The following CNTNAP4 variants were observed in gnomAD, a reference collection of about 807,000 sequenced individuals.
CNTNAP4 encodes the protein contactin associated protein family member 4.
Under a neutral mutation model 148.4 loss-of-function variants are expected in CNTNAP4, and 98 were observed. The ratio of observed to expected loss-of-function variants is 0.66; its 90% confidence interval spans 0.56 to 0.78. The LOEUF (loss-of-function observed/expected upper bound fraction) is 0.78. Among genes scored for constraint, CNTNAP4 ranks in the 30% least tolerant of loss-of-function variants. CNTNAP4 has a pLI of 0.00. For synonymous variants in CNTNAP4, 730 were observed against 565.1 expected (o/e 1.29, Z -4.14); for missense variants, 1,935 against 1,565.6 (o/e 1.24, Z -3.98).
intron 14 of CNTNAP4, among the ~76,000 whole-genome samples, chr16:76,496,082 A>G (rs1247098273): frequency 2.2e-5 from 1 of 44,594 alleles, no homozygotes; most frequent in East Asian, 1.1e-3. Context: ...CATCAAGATT[A>G]TGTTGTGTGT....
intron 3 of CNTNAP4, among the ~76,000 whole-genome samples, chr16:76,397,778 G>A (rs1457044593): frequency 1.4e-5 from 2 of 138,714 alleles, no homozygotes; most frequent in South Asian, 4.7e-4. Flanking sequence ...AGCATTATAA[G>A]CTTTATGTGT....
At chr16:76,428,317 C>G (rs1051650553) in intron 4 of CNTNAP4, among the ~76,000 whole-genome samples, 1 of 151,958 alleles carries the variant, frequency 6.6e-6, no homozygotes, top group Non-Finnish European at 1.5e-5. Context: ...TTACAATTAG[C>G]AGACTAACAG....
At chr16:76,398,764 G>A (rs926961698) in intron 3 of CNTNAP4, among the ~76,000 whole-genome samples, 6 of 151,948 alleles carry the variant, frequency 3.9e-5, no homozygotes, top group Non-Finnish European at 7.4e-5. Flanking sequence ...AGTACAAAGC[G>A]ATATATTTTT....
chr16:76,400,319 A>G (rs894334679), intron 3 of CNTNAP4, among the ~76,000 whole-genome samples: 3 of 152,212 alleles, frequency 2.0e-5, no homozygotes, highest in Admixed American at 6.5e-5. Context: ...GGGAACATTT[A>G]AAATCCACTC....
chr16:76,374,422 T>C (rs2015196034), intron 3 of CNTNAP4, among the ~76,000 whole-genome samples: 1 of 152,198 alleles, frequency 6.6e-6, no homozygotes, highest in Admixed American at 6.5e-5. Flanking sequence ...AAAATTAATA[T>C]ATCACTTTGA....
intron 3 of CNTNAP4, among the ~76,000 whole-genome samples, chr16:76,426,093 G>A (rs553751305): frequency 8.6e-4 from 131 of 152,250 alleles, no homozygotes; most frequent in African/African-American, 3.0e-3. Flanking sequence ...AGCTGTGCCT[G>A]TGTTATGTGA....
chr16:76,455,231 A>G (rs2080680457), intron 8 of CNTNAP4, among the ~76,000 whole-genome samples: 1 of 152,228 alleles, frequency 6.6e-6, no homozygotes, highest in Non-Finnish European at 1.5e-5. Context: ...GTTCCCATTT[A>G]AAACAAAGTT....
intron 1 of CNTNAP4, among the ~76,000 whole-genome samples, chr16:76,311,230 C>T (rs1961070111): frequency 6.6e-6 from 1 of 152,042 alleles, no homozygotes; most frequent in African/African-American, 2.4e-5. Context: ...ATTAATTGAG[C>T]TATATTAAAA....
intron 3 of CNTNAP4, among the ~76,000 whole-genome samples, chr16:76,375,314 G>T (rs538022880): frequency 2.0e-5 from 3 of 152,078 alleles, no homozygotes; most frequent in Non-Finnish European, 1.5e-5. Context: ...CCCAGCTACT[G>T]GGGAGGCTGA....
Position 76,558,532 on chromosome 16 carries a change from C to A in CNTNAP4, c.3776C>A (p.Ala1259Asp). 6.2e-7 allele frequency: 1 copy of A among 1,610,870 alleles called. No individual in the cohort carries two copies. Among genetic ancestry groups the A allele is most frequent in the Non-Finnish European group, 8.5e-7 (1 of 1,177,290 alleles). ...ATTTTTATCTTGCTTTGCATCACTG[C>A]CATAGCTGTTCGCATTTATCAGCAG... ...VVIFILLCIT[A>D]IAVRIYQQKR... The change falls in exon 24 of 24, where the codon GCC (alanine) becomes GAC (aspartate). Residue 1259 changes from alanine to aspartate, a missense_variant. Coordinates refer to ENST00000611870, the MANE Select transcript of CNTNAP4 (RefSeq NM_033401.5).
At chr16:76,313,787 C>T (rs767811663) in intron 1 of CNTNAP4, among the ~76,000 whole-genome samples, 38 of 152,042 alleles carry the variant, frequency 2.5e-4, no homozygotes, top group Non-Finnish European at 4.6e-4. Flanking sequence ...TCAGGTGAAT[C>T]TAGATAATTC....
At chr16:76,498,393 AAAT>A (rs548806061) in intron 14 of CNTNAP4, among the ~76,000 whole-genome samples, 171 bp from the exon 15 acceptor site, 31 of 152,302 alleles carry the variant, frequency 2.0e-4, no homozygotes, top group African/African-American at 7.2e-4. Context: ...CCCTGTCTCA[AAAT>A]AATAATAATA....
At chr16:76,326,491 A>G (rs1381260841) in intron 2 of CNTNAP4, among the ~76,000 whole-genome samples, 2 of 152,330 alleles carry the variant, frequency 1.3e-5, no homozygotes, top group Middle Eastern at 3.4e-3. Flanking sequence ...ATAAAGACAC[A>G]TGCACATGTA....
intron 10 of CNTNAP4, among the ~76,000 whole-genome samples, chr16:76,472,609 G>C (rs2081415608): frequency 6.6e-6 from 1 of 152,180 alleles, no homozygotes; most frequent in Admixed American, 6.5e-5. Flanking sequence ...TGGCTGCATA[G>C]TATTCCATGG....
intron 15 of CNTNAP4, among the ~76,000 whole-genome samples, chr16:76,499,571 T>C (rs1038629993): frequency 6.6e-6 from 1 of 151,746 alleles, no homozygotes; most frequent in East Asian, 1.9e-4. Context: ...TTATTTATTT[T>C]AGTATTTATT....
chr16:76,478,668 A>G (rs2081685551), intron 11 of CNTNAP4, among the ~76,000 whole-genome samples: 2 of 152,194 alleles, frequency 1.3e-5, no homozygotes, highest in Admixed American at 6.5e-5. Context: ...GTGTATTAAT[A>G]TGAAACCTTG....
At chr16:76,549,635 CA>C (rs144649699) in intron 21 of CNTNAP4, among the ~76,000 whole-genome samples, 2 of 150,782 alleles carry the variant, frequency 1.3e-5, no homozygotes, top group Admixed American at 1.3e-4. Flanking sequence ...TCTCATAAAG[CA>C]AAAAAAAGAC....
At chr16:76,492,954 T>TTG (rs1597723429) in intron 13 of CNTNAP4, among the ~76,000 whole-genome samples, 1 of 151,530 alleles carries the variant, frequency 6.6e-6, no homozygotes, top group East Asian at 1.9e-4. Flanking sequence ...GCACACTTTT[T>TTG]TTTTTTTTTA....
chr16:76,501,845 C>A (rs1413509828), intron 15 of CNTNAP4, among the ~76,000 whole-genome samples: 2 of 151,992 alleles, frequency 1.3e-5, no homozygotes, highest in Non-Finnish European at 2.9e-5. Context: ...CCGAGGCGGG[C>A]GGATCACGAG....
Sources: gnomAD v4.1 joint callset for allele counts (sites outside exome capture counted in the v4.1 genomes callset) on GRCh38, gnomAD v4.1.1 for gene constraint, MANE v1.5 for transcripts, NCBI Gene and HGNC (gene_info 2026-07-23, HGNC 2026-07-21) for gene names.